The following RASGEF1C variants were observed in gnomAD, a reference collection of about 807,000 sequenced individuals.
RASGEF1C encodes the protein RasGEF domain family member 1C.
Under a neutral mutation model 58.1 loss-of-function variants are expected in RASGEF1C, and 27 were observed. The observed-to-expected ratio is 0.46, with a 90% CI of 0.34 to 0.64. The LOEUF (loss-of-function observed/expected upper bound fraction) is 0.64, where lower values mean the gene tolerates loss of function less well. Ranked by LOEUF, RASGEF1C falls within the 30% of genes least tolerant of loss-of-function variation. The pLI is 0.01. For synonymous variants in RASGEF1C, 243 were observed against 246.3 expected, an observed-to-expected ratio of 0.99 and a Z score of 0.13; for missense variants, 502 against 605.1, an observed-to-expected ratio of 0.83 and a Z score of 1.79.
chr5:180,114,820 C>A (rs1350909900), intron 10 of RASGEF1C, among the ~76,000 whole-genome samples: 1 of 152,198 alleles, frequency 6.6e-6, no homozygotes, highest in African/African-American at 2.4e-5. Context: ...CGTCCTGGGG[C>A]TGGGTAAGAG....
At chr5:180,196,388 C>T (rs973565677) in intron 1 of RASGEF1C, among the ~76,000 whole-genome samples, 1 of 151,808 alleles carries the variant, frequency 6.6e-6, no homozygotes, top group Admixed American at 6.6e-5. Context: ...GTAATACCAG[C>T]TACTCAGGAG....
intron 1 of RASGEF1C, among the ~76,000 whole-genome samples, chr5:180,186,018 G>A (rs560954965): frequency 6.7e-6 from 1 of 149,900 alleles, no homozygotes; most frequent in East Asian, 2.0e-4. Flanking sequence ...GGCTGATTGA[G>A]CCTGGGAGGT....
intron 12 of RASGEF1C, among the ~76,000 whole-genome samples, chr5:180,106,813 G>A (rs745649282): frequency 9.2e-5 from 14 of 152,190 alleles, no homozygotes; most frequent in Non-Finnish European, 1.3e-4. Flanking sequence ...TGAGTTCTTT[G>A]TCTTTGCTGA....
chr5:180,206,084 T>C (rs1234853720), intron 1 of RASGEF1C, among the ~76,000 whole-genome samples: 3 of 152,212 alleles, frequency 2.0e-5, no homozygotes, highest in Middle Eastern at 3.4e-3. Context: ...TTCACCAGTA[T>C]GTGAACAGAT....
At chr5:180,195,455 C>G (rs1413502408) in intron 1 of RASGEF1C, among the ~76,000 whole-genome samples, 3 of 152,066 alleles carry the variant, frequency 2.0e-5, no homozygotes, top group South Asian at 4.1e-4. Context: ...TTACCTGTAG[C>G]GTGCACGTGT....
At chr5:180,128,219 G>T (rs970056632) in intron 5 of RASGEF1C, among the ~76,000 whole-genome samples, 191 bp downstream of exon 5, 1 of 152,206 alleles carries the variant, frequency 6.6e-6, no homozygotes, top group African/African-American at 2.4e-5. Context: ...GGAAGAACCC[G>T]CCCCAGCCTC....
At chr5:180,126,104 CAAAA>C (rs58468607) in intron 6 of RASGEF1C, among the ~76,000 whole-genome samples, 79,206 of 151,666 alleles carry the variant, frequency 0.52, 21,095 homozygotes, top group East Asian at 0.72. Context: ...CCAAACCAAA[CAAAA>C]AATCTTACAA....
intron 4 of RASGEF1C, among the ~76,000 whole-genome samples, chr5:180,131,674 G>A (rs566161556): frequency 5.1e-4 from 78 of 152,338 alleles, no homozygotes; most frequent in African/African-American, 1.5e-3. Flanking sequence ...GATAAACACC[G>A]CCTTCACCTG....
intron 4 of RASGEF1C, chr5:180,135,303 C>A (rs994901645): frequency 6.6e-6 from 1 of 152,284 alleles, no homozygotes; most frequent in Non-Finnish European, 1.5e-5. Flanking sequence ...TCCCTCAGAG[C>A]CTGAGTGATG....
In RASGEF1C at chr5:180,119,382, T is replaced by G. The variant is rs770198444; in HGVS notation, c.871A>C (p.Asn291His). ...FFIDVARECF[N>H]IGNFNSLMAI... is the part of the protein sequence containing the mutation. ...ATGAGGGAGTTGAAGTTGCCGATGT[T>G]GAAGCACTCGCGGGCCACGTCGATG... is the stretch of plus-strand genomic sequence containing the variant. The change falls in exon 8 of 14, where the codon AAC (asparagine) becomes CAC (histidine). Residue 291 changes from asparagine (N) to histidine (H), a missense_variant. By Grantham distance (68) the Asn-to-His change is moderately conservative (BLOSUM62 1). Transcript: ENST00000361132. 6 of 1,614,150 alleles carry G rather than the reference T, an allele frequency of 3.7e-6. No individual in the cohort carries two copies. The highest frequency in any genetic ancestry group is 4.2e-6 in the Non-Finnish European group (5 of 1,179,992).
intron 1 of RASGEF1C, among the ~76,000 whole-genome samples, chr5:180,192,033 C>A (rs1027096929): frequency 6.6e-6 from 1 of 152,218 alleles, no homozygotes; most frequent in African/African-American, 2.4e-5. Flanking sequence ...TTCCTCAAGA[C>A]CAAGAGCAGA....
intron 10 of RASGEF1C, 28 bp downstream of exon 10, chr5:180,118,581 C>T: frequency 3.2e-6 from 5 of 1,575,206 alleles, no homozygotes; most frequent in Non-Finnish European, 4.3e-6. Context: ...TGCTGCAGCC[C>T]CCCTGGGCCA....
At chr5:180,142,922 C>T (rs1323263487) in intron 1 of RASGEF1C, among the ~76,000 whole-genome samples, 2 of 152,208 alleles carry the variant, frequency 1.3e-5, no homozygotes, top group East Asian at 3.9e-4. Context: ...AGGGCACTGA[C>T]AGGACACTGA....
intron 1 of RASGEF1C, among the ~76,000 whole-genome samples, chr5:180,186,577 T>C (rs1561755483): frequency 6.6e-6 from 1 of 152,218 alleles, no homozygotes; most frequent in Non-Finnish European, 1.5e-5. Flanking sequence ...GGTTCTAAGA[T>C]TTAATGTGTA....
At chr5:180,152,662 A>G (rs929969032) in intron 1 of RASGEF1C, among the ~76,000 whole-genome samples, 8 of 151,604 alleles carry the variant, frequency 5.3e-5, no homozygotes, top group African/African-American at 1.9e-4. Flanking sequence ...ATGTATACAT[A>G]TGTAACAAAC....
intron 1 of RASGEF1C, among the ~76,000 whole-genome samples, chr5:180,206,993 T>C (rs1456861264): frequency 1.3e-5 from 2 of 152,214 alleles, no homozygotes; most frequent in Admixed American, 1.3e-4. Flanking sequence ...AGCTTTTTAA[T>C]AGTTCTGACC....
chr5:180,118,952 C>CT (rs896367141), intron 8 of RASGEF1C, 86 bp from the exon 9 acceptor site: 2 of 1,288,956 alleles, frequency 1.6e-6, no homozygotes, highest in African/African-American at 2.9e-5. Flanking sequence ...TGCACCCTGA[C>CT]CAGGGCTGAG....
At position 180,158,953 on chromosome 5, in the gene RASGEF1C, G is replaced by A. The variant is rs6601086; in HGVS notation, c.-6-20895C>T. Reference sequence around the variant, plus strand: ...TCCTACTTTCCATTACAAAATCTTCGTGCTCTACTTTCTGAAAGCATTTCA... The same window carrying A: ...TCCTACTTTCCATTACAAAATCTTCATGCTCTACTTTCTGAAAGCATTTCA... On this transcript the variant is annotated intron_variant, in intron 1 of 13. Transcript: ENST00000361132. This position sits in a 1 kb window ranked among gnomAD's most constrained non-coding sequence, Gnocchi z 4.0. 0.64 allele frequency among the ~76,000 whole-genome samples: 97,206 copies of A among 151,736 alleles called. 31,542 individuals are homozygous for A. Among genetic ancestry groups the A allele is most frequent in the Middle Eastern group, 0.79 (232 of 294 alleles).
At chr5:180,163,602 C>CA (rs1431280578) in intron 1 of RASGEF1C, among the ~76,000 whole-genome samples, 1 of 152,104 alleles carries the variant, frequency 6.6e-6, no homozygotes, top group African/African-American at 2.4e-5. Flanking sequence ...ACCAGTCTTG[C>CA]ATCCCCAGGA....
Sources: allele counts gnomAD v4.1 joint callset (sites outside exome capture counted in the v4.1 genomes callset), GRCh38; gene constraint gnomAD v4.1.1; non-coding constraint Gnocchi (gnomAD v3.1); transcripts MANE v1.5; gene names NCBI Gene and HGNC (gene_info 2026-07-23, HGNC 2026-07-21).